The following APBA1 variants were observed in gnomAD, a reference collection of about 807,000 sequenced individuals.
APBA1 encodes the protein amyloid beta precursor protein binding family A member 1, also known as amyloid-beta A4 precursor protein-binding family A member 1.
APBA1 carries 55 observed loss-of-function variants against 86.6 expected under a neutral mutation model. That is an observed-to-expected ratio of 0.64 (90% CI 0.51 to 0.80). The LOEUF (loss-of-function observed/expected upper bound fraction) is 0.80. APBA1 is among the 30% of genes least tolerant of loss of function. The pLI is 0.00. For missense variants in APBA1, 1,090 were observed against 1,183.0 expected, an observed-to-expected ratio of 0.92 and a Z score of 1.15; for synonymous variants, 511 against 493.9, an observed-to-expected ratio of 1.03 and a Z score of -0.46.
intron 1 of APBA1, among the ~76,000 whole-genome samples, chr9:69,538,869 C>A (rs916175618): frequency 2.0e-5 from 3 of 152,336 alleles, no homozygotes; most frequent in Middle Eastern, 3.4e-3. Flanking sequence ...TCCAATCGGG[C>A]TCCCATCCCT....
intron 1 of APBA1, among the ~76,000 whole-genome samples, chr9:69,583,070 G>A (rs1821946579): frequency 6.6e-6 from 1 of 152,188 alleles, no homozygotes; most frequent in African/African-American, 2.4e-5. Context: ...CTTTGTCTAT[G>A]AGGAACATCT....
intron 2 of APBA1, among the ~76,000 whole-genome samples, chr9:69,486,343 C>A (rs922979443): frequency 6.6e-6 from 1 of 152,118 alleles, no homozygotes; most frequent in African/African-American, 2.4e-5. Context: ...CTGGAACTTT[C>A]AGGCTGTTTG....
chr9:69,563,571 T>C (rs1836980003), intron 1 of APBA1, among the ~76,000 whole-genome samples: 1 of 152,236 alleles, frequency 6.6e-6, no homozygotes, highest in South Asian at 2.1e-4. Flanking sequence ...TATATTAATC[T>C]TTCTACTCCA....
chr9:69,487,371 C>T (rs1276960285), intron 2 of APBA1, among the ~76,000 whole-genome samples: 1 of 152,096 alleles, frequency 6.6e-6, no homozygotes, highest in Admixed American at 6.5e-5. Flanking sequence ...GTTACAAATA[C>T]AGGGTGACTT....
At chr9:69,435,862 T>G (rs1248047585) in intron 11 of APBA1, among the ~76,000 whole-genome samples, 4 of 152,242 alleles carry the variant, frequency 2.6e-5, no homozygotes, top group Non-Finnish European at 4.4e-5. Context: ...ATGAAGTACT[T>G]GCCCATGCCT....
intron 2 of APBA1, among the ~76,000 whole-genome samples, chr9:69,503,547 T>C (rs1389253278): frequency 6.6e-6 from 1 of 152,162 alleles, no homozygotes; most frequent in East Asian, 1.9e-4. Flanking sequence ...TTCTGAAGAC[T>C]ATACTCTTCC....
chr9:69,617,720 A>T (rs545573306), intron 1 of APBA1, among the ~76,000 whole-genome samples: 1 of 152,216 alleles, frequency 6.6e-6, no homozygotes, highest in African/African-American at 2.4e-5. Flanking sequence ...TCAACACCAA[A>T]TTTTTGAGAT....
At chr9:69,458,015 T>G in intron 6 of APBA1, 141 bp downstream of exon 6, 1 of 821,512 alleles carries the variant, frequency 1.2e-6, no homozygotes, top group Non-Finnish European at 1.9e-6. Flanking sequence ...AAACGCTGGC[T>G]TATGGGGCGG....
chr9:69,476,243 A>G (rs1239666225), intron 2 of APBA1, 100 bp from the exon 3 acceptor site: 2 of 795,806 alleles, frequency 2.5e-6, no homozygotes, highest in African/African-American at 1.7e-5. Context: ...GCAGAACACA[A>G]TCGAACAGAC....
intron 1 of APBA1, among the ~76,000 whole-genome samples, chr9:69,599,354 A>G (rs1271669446): frequency 6.6e-6 from 1 of 152,216 alleles, no homozygotes; most frequent in African/African-American, 2.4e-5. Flanking sequence ...AGTGGTTTTA[A>G]GCATTTCTTA....
At chr9:69,581,796 G>A (rs1034044536) in intron 1 of APBA1, among the ~76,000 whole-genome samples, 2 of 152,158 alleles carry the variant, frequency 1.3e-5, no homozygotes, top group African/African-American at 4.8e-5. Context: ...CACCTCAGCT[G>A]CTGAGCTGAG....
At chr9:69,439,597 A>G (rs1313817543) in intron 11 of APBA1, among the ~76,000 whole-genome samples, 1 of 151,942 alleles carries the variant, frequency 6.6e-6, no homozygotes, top group African/African-American at 2.4e-5. Flanking sequence ...AGGCTTGTGC[A>G]TTTGTCACAT....
At chr9:69,578,940 A>G (rs903267015) in intron 1 of APBA1, among the ~76,000 whole-genome samples, 1 of 152,190 alleles carries the variant, frequency 6.6e-6, no homozygotes, top group African/African-American at 2.4e-5. Flanking sequence ...TGGATAAGAA[A>G]CCTTGGGTTG....
At chr9:69,572,674 T>C in intron 1 of APBA1, among the ~76,000 whole-genome samples, 1 of 152,180 alleles carries the variant, frequency 6.6e-6, no homozygotes, top group Non-Finnish European at 1.5e-5. Flanking sequence ...CACACCTCCA[T>C]CTGAGCATTT....
rs771450823 is a variant in APBA1 at position 69,516,846 on chromosome 9, T to C, written c.365A>G (p.Tyr122Cys). 2 of 1,603,082 alleles carry C rather than the reference T, an allele frequency of 1.2e-6. No homozygotes were observed. Among genetic ancestry groups the C allele is most frequent in the South Asian group, 1.1e-5 (1 of 90,874 alleles). The change falls in exon 2 of 13, where the codon TAC becomes TGC. Residue 122 changes from tyrosine (Y) to cysteine (C), a missense_variant. Coordinates refer to ENST00000265381, the MANE Select transcript of APBA1 (RefSeq NM_001163.4). This position sits in a 1 kb window ranked among gnomAD's most constrained non-coding sequence, Gnocchi z 7.3. ...CGTGTACTCCTCGGCCTCGGGCCGG[T>C]ACTGCACAGCATAGGCGCTCTCGTC... Reference protein sequence around the residue: ...PEDESAYAVQYRPEAEEYTEQ... With the variant: ...PEDESAYAVQCRPEAEEYTEQ...
At chr9:69,648,336 C>T (rs17083983) in intron 1 of APBA1, among the ~76,000 whole-genome samples, 8,498 of 152,252 alleles carry the variant, frequency 0.056, 391 homozygotes, top group African/African-American at 0.12. Context: ...ATAAGCCACC[C>T]TGATACACGG....
chr9:69,598,376 A>G (rs897913030), intron 1 of APBA1, among the ~76,000 whole-genome samples: 2 of 152,134 alleles, frequency 1.3e-5, no homozygotes, highest in African/African-American at 4.8e-5. Context: ...TGGCACATGT[A>G]TACATATGTA....
intron 4 of APBA1, among the ~76,000 whole-genome samples, chr9:69,469,971 T>A (rs1268286455): frequency 6.6e-6 from 1 of 152,240 alleles, no homozygotes. Flanking sequence ...CATCATATAT[T>A]CTCTGATTTG....
chr9:69,594,384 C>T (rs1271089372), intron 1 of APBA1, among the ~76,000 whole-genome samples: 1 of 152,176 alleles, frequency 6.6e-6, no homozygotes, highest in Non-Finnish European at 1.5e-5. Flanking sequence ...TCTTGGGCCC[C>T]AGTCTCCTCT....
Sources: allele counts gnomAD v4.1 joint callset (sites outside exome capture counted in the v4.1 genomes callset), GRCh38; gene constraint gnomAD v4.1.1; non-coding constraint Gnocchi (gnomAD v3.1); transcripts MANE v1.5; gene names NCBI Gene and HGNC (gene_info 2026-07-23, HGNC 2026-07-21).